NRCAM: variants seen among roughly 807,000 people sequenced by gnomAD.
NRCAM encodes the protein NgCAM-related cell adhesion molecule.
In NRCAM, 83 loss-of-function variants were observed where a neutral mutation model predicts 156.5. The ratio of observed to expected loss-of-function variants is 0.53; its 90% CI spans 0.44 to 0.64. The LOEUF (loss-of-function observed/expected upper bound fraction) is 0.64, where lower values mean the gene tolerates loss of function less well. Among genes scored for constraint, NRCAM ranks in the 30% least tolerant of loss-of-function variants. The pLI is 0.00. For synonymous variants in NRCAM, 538 were observed against 563.9 expected, an observed-to-expected ratio of 0.95 and a Z score of 0.65; for missense variants, 1,417 against 1,597.3, an observed-to-expected ratio of 0.89 and a Z score of 1.92.
In NRCAM at chr7:108,209,543, T is replaced by C. The variant is rs372265231; in HGVS notation, c.953A>G (p.Tyr318Cys). ...DGMLPKNRTV[Y>C]KNFEKTLQII... ...CTGCAAGGTTTTCTCAAAGTTCTTATAAACTGTCCTGTTTTTGGGTAGCAT... is the reference window on the plus strand; with the variant it reads ...CTGCAAGGTTTTCTCAAAGTTCTTACAAACTGTCCTGTTTTTGGGTAGCAT... Residue 318 changes from tyrosine to cysteine, a missense_variant, in exon 12 of 33, where the codon TAT (tyrosine) becomes TGT (cysteine). By Grantham distance (194) the Tyr-to-Cys change is radical. This residue lies in a region of NRCAM where 1,238 missense variants were observed against 1,336.4 expected (regional missense o/e 0.93). Coordinates refer to ENST00000379028, the MANE Select transcript of NRCAM (RefSeq NM_001037132.4). 1 of 1,612,986 alleles carries C rather than the reference T, an allele frequency of 6.2e-7. No homozygotes were observed.
At position 108,237,373 on chromosome 7, in the gene NRCAM, C is replaced by T. The variant is rs528416647; in HGVS notation, c.124+379G>A. 7.9e-5 allele frequency among the ~76,000 whole-genome samples: 12 copies of T among 152,228 alleles called. No individual in the cohort carries two copies. The South Asian group carries it at 8.3e-4, about 11-fold the overall frequency. ...TCTTGTGTAAAGCTTTTGCCTGCACCCACCTTCTAAAAGACACAAAAAGAC... is the reference window on the plus strand; with the variant it reads ...TCTTGTGTAAAGCTTTTGCCTGCACTCACCTTCTAAAAGACACAAAAAGAC... On this transcript the variant is annotated intron_variant, in intron 5 of 32. Transcript: ENST00000379028.
intron 2 of NRCAM, among the ~76,000 whole-genome samples, chr7:108,342,831 T>C (rs1225931610): frequency 6.6e-6 from 1 of 152,180 alleles, no homozygotes; most frequent in Non-Finnish European, 1.5e-5. Context: ...GGACATCTCA[T>C]GATGTGAATG....
In NRCAM at chr7:108,184,574, C is replaced by A. The variant is rs1346455211; in HGVS notation, c.2076G>T (p.Gly692=). ...IEYEDAMHKP[G]LWHHQTEVSG... is the part of the protein sequence containing the mutation. ...AAACTTCAGTTTGGTGGTGCCACAG[C>A]CCTGGCTTGTGCATTGCATCTTCAT... The change falls in exon 21 of 33, where the codon GGG becomes GGT. Residue 692 remains glycine, a synonymous_variant. Coordinates refer to ENST00000379028, the MANE Select transcript of NRCAM (RefSeq NM_001037132.4). 1 of 1,613,682 alleles carries A rather than the reference C, an allele frequency of 6.2e-7. No individual in the cohort carries two copies. The highest frequency in any genetic ancestry group is 8.5e-7 in the Non-Finnish European group (1 of 1,180,008).
chr7:108,184,075 A>G (rs536451330), intron 22 of NRCAM, among the ~76,000 whole-genome samples, 166 bp downstream of exon 22: 9 of 151,686 alleles, frequency 5.9e-5, no homozygotes, highest in African/African-American at 1.7e-4. Context: ...TAGCAACTAT[A>G]TAATACTGCC....
At chr7:108,442,009 G>A (rs1563827010) in intron 1 of NRCAM, among the ~76,000 whole-genome samples, 1 of 152,158 alleles carries the variant, frequency 6.6e-6, no homozygotes, top group Non-Finnish European at 1.5e-5. Flanking sequence ...AGGGATTATT[G>A]TTATTTATTA....
At chr7:108,301,746 T>C (rs1191638481) in intron 3 of NRCAM, among the ~76,000 whole-genome samples, 2 of 152,132 alleles carry the variant, frequency 1.3e-5, no homozygotes, top group Non-Finnish European at 2.9e-5. Flanking sequence ...GATTAAAAAA[T>C]ATCTAGGGGC....
intron 2 of NRCAM, among the ~76,000 whole-genome samples, chr7:108,329,395 C>T (rs893086180): frequency 2.6e-5 from 4 of 152,198 alleles, no homozygotes; most frequent in African/African-American, 9.6e-5. Flanking sequence ...GTTGAGGCCG[C>T]CACAAATCCT....
chr7:108,341,956 T>G (rs2099284979), intron 2 of NRCAM, among the ~76,000 whole-genome samples: 2 of 152,218 alleles, frequency 1.3e-5, no homozygotes, highest in African/African-American at 4.8e-5. Context: ...CAGAGTGGTT[T>G]ATAATCCTGG....
chr7:108,255,763 T>C (rs1377739743), intron 3 of NRCAM, among the ~76,000 whole-genome samples: 1 of 130,590 alleles, frequency 7.7e-6, no homozygotes, highest in East Asian at 2.5e-4. Flanking sequence ...ATCTGAGGAG[T>C]GTCTCTGCCC....
chr7:108,254,253 T>C (rs2096520420), intron 3 of NRCAM, among the ~76,000 whole-genome samples: 1 of 152,178 alleles, frequency 6.6e-6, no homozygotes, highest in African/African-American at 2.4e-5. Context: ...CTACAACATG[T>C]AGAAAAACTA....
chr7:108,195,838 T>G lies in NRCAM; in HGVS notation c.1386A>C (p.Thr462=). 6.2e-7 allele frequency: 1 copy of G among 1,613,318 alleles called. No individual in the cohort carries two copies. Among genetic ancestry groups the G allele is most frequent in the Non-Finnish European group, 8.5e-7 (1 of 1,179,574 alleles). Residue 462 remains threonine, a synonymous_variant, in exon 15 of 33, where the codon ACA becomes ACC. Transcript: ENST00000379028. ...GCCTGTTTGCAATGACCTGGTAGAG[T>G]GTGTTTGCAGGTGTGAGGATTCGTG... The part of the protein sequence containing the change: ...EPPRILTPAN[T]LYQVIANRPA...
chr7:108,155,095 T>C (rs62469169), intron 32 of NRCAM, among the ~76,000 whole-genome samples: 39 of 87,876 alleles, frequency 4.4e-4, no homozygotes, highest in African/African-American at 2.4e-3. Context: ...GTCATATATA[T>C]ATATATACAC....
intron 2 of NRCAM, among the ~76,000 whole-genome samples, chr7:108,399,033 A>G (rs778730624): frequency 2.6e-5 from 4 of 152,212 alleles, no homozygotes; most frequent in Non-Finnish European, 5.9e-5. Context: ...TGTTTTCATA[A>G]AAGTTATATC....
chr7:108,387,131 T>C (rs2099743152), intron 2 of NRCAM, among the ~76,000 whole-genome samples: 1 of 152,174 alleles, frequency 6.6e-6, no homozygotes, highest in Non-Finnish European at 1.5e-5. Flanking sequence ...AGGTAAGTTA[T>C]GCCTCAATTT....
intron 32 of NRCAM, among the ~76,000 whole-genome samples, chr7:108,155,101 T>TATACACACACACAC (rs1270777439): frequency 4.9e-5 from 6 of 123,116 alleles, no homozygotes; most frequent in African/African-American, 2.1e-4. Context: ...TATATATATA[T>TATACACACACACAC]ACACACACAC....
intron 2 of NRCAM, among the ~76,000 whole-genome samples, chr7:108,322,667 TA>T (rs2099016878): frequency 6.6e-6 from 1 of 152,178 alleles, no homozygotes; most frequent in Non-Finnish European, 1.5e-5. Flanking sequence ...GAGAGTGGCC[TA>T]ATGTTGATCA....
chr7:108,269,280 C>T (rs1050358479), intron 3 of NRCAM, among the ~76,000 whole-genome samples: 1 of 152,096 alleles, frequency 6.6e-6, no homozygotes, highest in Non-Finnish European at 1.5e-5. Context: ...CCTTTTGTCT[C>T]AGGTTTCAAC....
chr7:108,250,447 A>T (rs13228054), intron 3 of NRCAM, among the ~76,000 whole-genome samples: 1 of 129,138 alleles, frequency 7.7e-6, no homozygotes, highest in South Asian at 2.3e-4. Flanking sequence ...AAAAAAAAAA[A>T]AAAGAAAGAG....
chr7:108,154,694 A>G (rs936728086), intron 32 of NRCAM, among the ~76,000 whole-genome samples: 2 of 152,170 alleles, frequency 1.3e-5, no homozygotes, highest in African/African-American at 2.4e-5. Flanking sequence ...ATATAATATC[A>G]TATACTTCAA....
Sources: gnomAD v4.1 joint callset for allele counts (sites outside exome capture counted in the v4.1 genomes callset) on GRCh38, gnomAD v4.1.1 for gene constraint, gnomAD v4.1.1 regional missense constraint, MANE v1.5 for transcripts, NCBI Gene and HGNC (gene_info 2026-07-23, HGNC 2026-07-21) for gene names.